Variants in RERE observed in about 807,000 individuals in gnomAD.
RERE encodes the protein arginine-glutamic acid dipeptide repeats.
In RERE, 40 loss-of-function variants were observed where a neutral mutation model predicts 146.1. The observed-to-expected ratio is 0.27, with a 90% confidence interval of 0.21 to 0.36. The LOEUF is 0.36. Among genes scored for constraint, RERE ranks in the 10% least tolerant of loss-of-function variants. The pLI is 1.00. For synonymous variants in RERE, 1,003 were observed against 866.0 expected, an observed-to-expected ratio of 1.16 and a Z score of -2.78; for missense variants, 1,933 against 2,138.7, an observed-to-expected ratio of 0.90 and a Z score of 1.90.
At chr1:8,497,301 G>T in intron 9 of RERE, 104 bp downstream of exon 9, 2 of 1,250,538 alleles carry the variant, frequency 1.6e-6, no homozygotes, top group Non-Finnish European at 2.2e-6. Context: ...GTCAGAGAAC[G>T]CCCAATATAG....
intron 1 of RERE, among the ~76,000 whole-genome samples, chr1:8,679,310 T>C (rs1397993359): frequency 1.3e-5 from 2 of 152,198 alleles, no homozygotes; most frequent in East Asian, 1.9e-4. Flanking sequence ...GACAGTCCCA[T>C]AGCAATCTAA....
chr1:8,517,450 A>G (rs1403908034), intron 7 of RERE, among the ~76,000 whole-genome samples: 1 of 152,328 alleles, frequency 6.6e-6, no homozygotes, highest in African/African-American at 2.4e-5. Flanking sequence ...AGACATCTTT[A>G]TACTGTGAAT....
intron 1 of RERE, among the ~76,000 whole-genome samples, chr1:8,725,944 A>G (rs1639954630): frequency 6.9e-6 from 1 of 145,052 alleles, no homozygotes; most frequent in South Asian, 2.2e-4. Flanking sequence ...TTGTTTAAAA[A>G]AAAAGTCAAA....
At chr1:8,386,022 ATTTTTTTTTTTTTT>A (rs60050106) in intron 12 of RERE, among the ~76,000 whole-genome samples, 15 of 26,632 alleles carry the variant, frequency 5.6e-4, no homozygotes, top group South Asian at 2.9e-3. Flanking sequence ...ATATATATAT[ATTTTTTTTTTTTTT>A]TTTTTTTTTT....
rs1371938931 is a variant in RERE, at chr1:8,607,528, ATATTTCTTTTT to A, written c.522+7022_522+7032del. ...AAGCCCCGCATATTTGTTTTTATAT[ATATTTCTTTTT>A]TTTTTTTTTTTTTTTTTTTTTTTTG... On this transcript the variant is annotated intron_variant, in intron 4 of 22. Coordinates refer to ENST00000400908, the MANE Select transcript of RERE (RefSeq NM_001042681.2). Among the ~76,000 whole-genome samples, 4 of 76,970 alleles carry A rather than the reference ATATTTCTTTTT, an allele frequency of 5.2e-5. No individual in the cohort carries two copies. In the East Asian group the frequency reaches 3.0e-3, roughly 57 times the overall value. The allele number at this position is 76,970 out of a possible 152,430, so 50.5% of individuals were successfully genotyped here.
intron 4 of RERE, among the ~76,000 whole-genome samples, chr1:8,572,783 C>T (rs1050817665): frequency 2.0e-5 from 3 of 152,130 alleles, no homozygotes; most frequent in Admixed American, 6.5e-5. Flanking sequence ...TGTCCAATAA[C>T]GGTTAAGTGC....
chr1:8,751,131 A>T (rs1640526365), intron 1 of RERE: 4 of 379,758 alleles, frequency 1.1e-5, no homozygotes, highest in African/African-American at 8.2e-5. Flanking sequence ...AAAGTGCTTG[A>T]AACATCTGAG....
chr1:8,358,328 C>T lies in RERE; in HGVS notation c.4207G>A (p.Ala1403Thr), dbSNP rs370883107. ...PDRLAAERIH[A>T]ERMASLTSDP... The stretch of plus-strand genomic sequence containing the variant: ...CTGGTCAGCGATGCCATGCGCTCTG[C>T]GTGGATACGCTCGGCTGCCAGTCTG... The change falls in exon 20 of 23, where the codon GCA becomes ACA. Residue 1403 changes from alanine to threonine, a missense_variant. Ala to Thr is a moderately conservative substitution (Grantham distance 58). Coordinates refer to ENST00000400908, the MANE Select transcript of RERE (RefSeq NM_001042681.2). The T allele has an allele frequency of 2.3e-5, 37 of 1,613,126 alleles. No individual in the cohort carries two copies. The Admixed American group carries it at 2.3e-4, about 10-fold the overall frequency.
At chr1:8,731,304 G>C (rs1007291350) in intron 1 of RERE, among the ~76,000 whole-genome samples, 4 of 152,188 alleles carry the variant, frequency 2.6e-5, no homozygotes, top group South Asian at 2.1e-4. Context: ...ATTTTAGGCA[G>C]GGAGAGGGGA....
At chr1:8,599,689 G>C (rs1646598571) in intron 4 of RERE, among the ~76,000 whole-genome samples, 1 of 152,144 alleles carries the variant, frequency 6.6e-6, no homozygotes, top group Non-Finnish European at 1.5e-5. Context: ...CCCAGATAAT[G>C]AAACATTGTA....
intron 1 of RERE, among the ~76,000 whole-genome samples, chr1:8,807,931 T>A (rs1337447353): frequency 1.3e-5 from 2 of 152,144 alleles, no homozygotes; most frequent in East Asian, 1.9e-4. Context: ...AAGCCCAAAT[T>A]AATAATAAAG....
chr1:8,734,000 C>T (rs1032127402), intron 1 of RERE, among the ~76,000 whole-genome samples: 3 of 150,498 alleles, frequency 2.0e-5, no homozygotes, highest in Non-Finnish European at 3.0e-5. Context: ...CTACTCTACT[C>T]GGGAGGCTGA....
intron 4 of RERE, among the ~76,000 whole-genome samples, chr1:8,588,663 C>G (rs1338914992): frequency 6.6e-6 from 1 of 152,184 alleles, no homozygotes; most frequent in African/African-American, 2.4e-5. Flanking sequence ...AATAAGGATG[C>G]AAGATGCCAA....
At chr1:8,528,448 A>G (rs895978829) in intron 7 of RERE, among the ~76,000 whole-genome samples, 4 of 152,180 alleles carry the variant, frequency 2.6e-5, no homozygotes, top group Admixed American at 6.5e-5. Context: ...TGATAATCAT[A>G]CCATAGTTAT....
intron 4 of RERE, among the ~76,000 whole-genome samples, chr1:8,558,106 A>G (rs1469897847): frequency 6.6e-6 from 1 of 152,234 alleles, no homozygotes; most frequent in African/African-American, 2.4e-5. Flanking sequence ...TGAAGGTACT[A>G]TGAGTCCAGA....
intron 1 of RERE, among the ~76,000 whole-genome samples, chr1:8,706,516 A>G (rs1285989305): frequency 6.6e-6 from 1 of 152,234 alleles, no homozygotes; most frequent in East Asian, 1.9e-4. Context: ...AAACAGCCAC[A>G]GGTAAACTGG....
At chr1:8,479,297 A>T (rs912723301) in intron 10 of RERE, among the ~76,000 whole-genome samples, 9 of 151,326 alleles carry the variant, frequency 5.9e-5, no homozygotes, top group Admixed American at 2.0e-4. Context: ...GCTATTTTTT[A>T]AATTTTTTTT....
At chr1:8,358,151 C>G in intron 20 of RERE, 45 bp downstream of exon 20, 2 of 1,551,352 alleles carry the variant, frequency 1.3e-6, no homozygotes, top group Non-Finnish European at 1.7e-6. Flanking sequence ...AGGCTCTGCA[C>G]CCCTCCCCGT....
chr1:8,514,804 T>C (rs563278988), intron 7 of RERE, among the ~76,000 whole-genome samples: 31 of 152,034 alleles, frequency 2.0e-4, no homozygotes, highest in African/African-American at 6.8e-4. Flanking sequence ...ATAATAATAA[T>C]GAGGTCCACA....
Sources: gnomAD v4.1 joint callset for allele counts (sites outside exome capture counted in the v4.1 genomes callset) on GRCh38, gnomAD v4.1.1 for gene constraint, MANE v1.5 for transcripts, NCBI Gene and HGNC (gene_info 2026-07-23, HGNC 2026-07-21) for gene names.